Variants in VOPP1 observed in about 807,000 individuals in gnomAD.
The protein encoded by VOPP1 is WW domain binding protein VOPP1.
A neutral mutation model predicts 23.5 loss-of-function variants in VOPP1; 8 were observed. The ratio of observed to expected loss-of-function variants is 0.34; its 90% CI spans 0.20 to 0.61. The LOEUF (loss-of-function observed/expected upper bound fraction) is 0.61, where lower values mean the gene tolerates loss of function less well. VOPP1 is among the 20% of genes least tolerant of loss of function. The pLI, the probability that VOPP1 is intolerant of heterozygous loss-of-function variation, is 0.78. For synonymous variants in VOPP1, 83 were observed against 97.3 expected (o/e 0.85, Z 0.86); for missense variants, 174 against 238.1 (o/e 0.73, Z 1.77).
At chr7:55,571,337 CACTA>C (rs1344440633) in intron 1 of VOPP1, among the ~76,000 whole-genome samples, 3 of 152,216 alleles carry the variant, frequency 2.0e-5, no homozygotes, top group Non-Finnish European at 4.4e-5. Flanking sequence ...CAGCACCAAT[CACTA>C]ACTATTAAGG....
intron 4 of VOPP1, among the ~76,000 whole-genome samples, chr7:55,476,429 C>CGGGGG (rs1005707729): frequency 5.2e-4 from 4 of 7,648 alleles, no homozygotes; most frequent in African/African-American, 1.1e-3. Flanking sequence ...AGTGGCGTGT[C>CGGGGG]GGGGGGGTGG....
At chr7:55,541,761 A>T (rs1186499153) in intron 1 of VOPP1, among the ~76,000 whole-genome samples, 2 of 152,250 alleles carry the variant, frequency 1.3e-5, no homozygotes, top group East Asian at 3.8e-4. Flanking sequence ...GTTATTTAGC[A>T]ATGAAAATGA....
chr7:55,475,126 AG>A, intron 4 of VOPP1, among the ~76,000 whole-genome samples: 1 of 152,318 alleles, frequency 6.6e-6, no homozygotes, highest in East Asian at 1.9e-4. Flanking sequence ...GGGCAAGAGA[AG>A]GTGCCTTTGT....
At chr7:55,502,716 G>T (rs1022873083) in intron 2 of VOPP1, among the ~76,000 whole-genome samples, 1 of 152,300 alleles carries the variant, frequency 6.6e-6, no homozygotes, top group South Asian at 2.1e-4. Context: ...CCAGGCAGTC[G>T]AGCACACTGA....
intron 1 of VOPP1, among the ~76,000 whole-genome samples, chr7:55,567,341 G>A (rs1260738930): frequency 1.3e-5 from 2 of 152,200 alleles, no homozygotes; most frequent in Non-Finnish European, 2.9e-5. Flanking sequence ...ATGGGAAAAG[G>A]AGGATATTGG....
At chr7:55,452,735 C>T (rs1368108261) in intron 4 of VOPP1, among the ~76,000 whole-genome samples, 3 of 152,140 alleles carry the variant, frequency 2.0e-5, no homozygotes, top group Non-Finnish European at 2.9e-5. Context: ...TAAAAGGAAT[C>T]GTTTTTGCTG....
intron 1 of VOPP1, among the ~76,000 whole-genome samples, chr7:55,565,193 T>C (rs910023955): frequency 2.0e-5 from 3 of 152,228 alleles, no homozygotes; most frequent in African/African-American, 7.2e-5. Flanking sequence ...CCGATGGCCT[T>C]CTGCAAGGCC....
At chr7:55,521,185 G>T in intron 1 of VOPP1, 55 bp from the exon 2 acceptor site, 1 of 1,511,928 alleles carries the variant, frequency 6.6e-7, no homozygotes, top group South Asian at 1.2e-5. Flanking sequence ...GCATGTTGTT[G>T]AGAAGCTCTC....
chr7:55,434,981 G>C (rs148908342), downstream of VOPP1, among the ~76,000 whole-genome samples: 7 of 152,312 alleles, frequency 4.6e-5, no homozygotes, highest in African/African-American at 1.7e-4. Flanking sequence ...CACATCTGTT[G>C]CTTCATTTGC....
intron 1 of VOPP1, among the ~76,000 whole-genome samples, chr7:55,532,189 T>G (rs528071797): frequency 2.0e-5 from 3 of 152,220 alleles, no homozygotes; most frequent in African/African-American, 4.8e-5. Flanking sequence ...GCTGAATAAA[T>G]GATGGTGCCA....
At chr7:55,447,954 TG>T (rs2129000869) in intron 4 of VOPP1, among the ~76,000 whole-genome samples, 1 of 152,352 alleles carries the variant, frequency 6.6e-6, no homozygotes, top group South Asian at 2.1e-4. Flanking sequence ...ATTGTAATTA[TG>T]GCAAATCACT....
At chr7:55,468,924 T>C (rs1791704747), downstream of VOPP1, among the ~76,000 whole-genome samples, 1 of 152,182 alleles carries the variant, frequency 6.6e-6, no homozygotes, top group African/African-American at 2.4e-5. Context: ...GATAAACTAA[T>C]TTTTACCTTA....
At chr7:55,522,273 G>A (rs1005161292) in intron 1 of VOPP1, among the ~76,000 whole-genome samples, 2 of 152,200 alleles carry the variant, frequency 1.3e-5, no homozygotes, top group Non-Finnish European at 2.9e-5. Context: ...CCAACGTCAC[G>A]CCAGTGACAT....
chr7:55,483,968 G>C (rs939298697), intron 4 of VOPP1, among the ~76,000 whole-genome samples: 1 of 152,136 alleles, frequency 6.6e-6, no homozygotes, highest in African/African-American at 2.4e-5. Context: ...TATCGGTCAG[G>C]CTGGTCTCAA....
In VOPP1 at chr7:55,457,513, T is replaced by C. The variant is rs183558000; in HGVS notation, n.418-21339A>G. Among the ~76,000 whole-genome samples the C allele has an allele frequency of 2.0e-3, 299 of 152,226 alleles. 2 individuals are homozygous for C. The highest frequency in any genetic ancestry group is 6.8e-3 in the African/African-American group (284 of 41,544). ...GGGATTTAGTAGTCTGATTTAGTGG[T>C]CAGTTTTTTTGAGAAACCTCTATAC... On this transcript the variant is annotated intron_variant and non_coding_transcript_variant, in intron 4 of 4. Transcript: ENST00000462326.
chr7:55,465,716 C>T (rs1303577507), downstream of VOPP1, among the ~76,000 whole-genome samples: 1 of 152,196 alleles, frequency 6.6e-6, no homozygotes, highest in African/African-American at 2.4e-5. Context: ...GAAACTGAGA[C>T]TGGAGATTAA....
intron 4 of VOPP1, among the ~76,000 whole-genome samples, chr7:55,456,225 A>T (rs1791363631): frequency 1.3e-5 from 2 of 152,256 alleles, no homozygotes; most frequent in Non-Finnish European, 2.9e-5. Flanking sequence ...CATTAGAGAA[A>T]TGCAAATCAA....
Position 55,495,725 on chromosome 7 carries a change from T to C in VOPP1, c.191+1888A>G, listed in dbSNP as rs963795642. Among the ~76,000 whole-genome samples, 13 of 152,320 alleles carry C rather than the reference T, an allele frequency of 8.5e-5. No homozygotes were observed. In the East Asian group the frequency reaches 1.4e-3, roughly 16 times the overall value. On this transcript the variant is annotated intron_variant, in intron 3 of 4. Transcript: ENST00000285279. Reference sequence around the variant, plus strand: ...AATGCCTGGTGTATATCAGACCCGATGTTGATTGAGAGAGAAAATGCATGG... The same window carrying C: ...AATGCCTGGTGTATATCAGACCCGACGTTGATTGAGAGAGAAAATGCATGG...
chr7:55,557,575 G>T (rs947889344), intron 1 of VOPP1, among the ~76,000 whole-genome samples: 1 of 151,890 alleles, frequency 6.6e-6, no homozygotes, highest in African/African-American at 2.4e-5. Context: ...GATTCTTCAG[G>T]ACCCATCTAA....
Sources: gnomAD v4.1 joint callset for allele counts (sites outside exome capture counted in the v4.1 genomes callset) on GRCh38, gnomAD v4.1.1 for gene constraint, MANE v1.5 for transcripts, NCBI Gene and HGNC (gene_info 2026-07-23, HGNC 2026-07-21) for gene names.